Variants in MTMR3 observed in about 807,000 individuals in gnomAD.
MTMR3 encodes phosphatidylinositol-3,5-bisphosphate 3-phosphatase MTMR3.
MTMR3 carries 32 observed loss-of-function variants against 132.4 expected under a neutral mutation model. That is an observed-to-expected ratio of 0.24 (90% confidence interval 0.18 to 0.32). The LOEUF (loss-of-function observed/expected upper bound fraction) is 0.32, where lower values mean the gene tolerates loss of function less well. Ranked by LOEUF, MTMR3 falls within the 10% of genes least tolerant of loss-of-function variation. The pLI, the probability that MTMR3 is intolerant of heterozygous loss-of-function variation, is 1.00. For missense variants in MTMR3, 1,216 were observed against 1,489.6 expected (o/e 0.82, Z 3.02); for synonymous variants, 556 against 550.3 (o/e 1.01, Z -0.14).
chr22:30,025,035 C>T (rs1569057807), intron 19 of MTMR3: 1 of 155,284 alleles, frequency 6.4e-6, no homozygotes, highest in South Asian at 2.0e-4. Flanking sequence ...TTCTTGTCCT[C>T]CCACCTCTCC....
chr22:29,887,590 G>A (rs1462041818), intron 1 of MTMR3, among the ~76,000 whole-genome samples: 2 of 152,132 alleles, frequency 1.3e-5, no homozygotes, highest in East Asian at 1.9e-4. Context: ...TCTGCCAGTC[G>A]GAATAGTCAC....
chr22:29,930,511 G>A (rs2145788851), intron 1 of MTMR3, among the ~76,000 whole-genome samples: 1 of 152,248 alleles, frequency 6.6e-6, no homozygotes, highest in East Asian at 1.9e-4. Flanking sequence ...ACCAGCCTAG[G>A]CAACATGGCG....
intron 1 of MTMR3, among the ~76,000 whole-genome samples, chr22:29,937,404 C>G (rs1411758765): frequency 1.4e-5 from 2 of 143,550 alleles, no homozygotes; most frequent in African/African-American, 2.6e-5. Context: ...TTTTTTCTTT[C>G]AAAAAACTTT....
At chr22:29,936,880 GGCCCCTCAT>G (rs1269227991) in intron 1 of MTMR3, among the ~76,000 whole-genome samples, 2 of 151,974 alleles carry the variant, frequency 1.3e-5, no homozygotes, top group African/African-American at 4.8e-5. Flanking sequence ...TAAAAAATAT[GGCCCCTCAT>G]GCTATCCACT....
intron 1 of MTMR3, among the ~76,000 whole-genome samples, chr22:29,920,981 T>TGGGGG (rs150260217): frequency 1.2e-4 from 10 of 81,068 alleles, no homozygotes; most frequent in South Asian, 5.8e-4. Flanking sequence ...TAGGGGGTGG[T>TGGGGG]GGGGGTGGCG....
chr22:29,909,905 C>G (rs553238715), intron 1 of MTMR3, among the ~76,000 whole-genome samples: 28 of 149,516 alleles, frequency 1.9e-4, no homozygotes, highest in African/African-American at 5.9e-4. Flanking sequence ...CCTGTAATCC[C>G]AGCACTTTGG....
At position 30,027,335 on chromosome 22, in the gene MTMR3, G is replaced by GTC. The variant is rs1189438886; in HGVS notation, c.*1537_*1538dup. 6.5e-6 allele frequency: 1 copy of GTC among 152,876 alleles called. No homozygotes were observed. The highest frequency in any genetic ancestry group is 1.5e-5 in the Non-Finnish European group (1 of 68,142). 9.5% of individuals were successfully genotyped at this position (152,876 alleles called of 1,614,324 possible). ...AGTTCCCTGACCAAGGGCAAGGTGT[G>GTC]TCTCAGGAAGGTGGTTCTGTGCATG... On this transcript the variant is annotated 3_prime_UTR_variant, in exon 20 of 20. Coordinates refer to ENST00000401950, the MANE Select transcript of MTMR3 (RefSeq NM_021090.4).
At chr22:30,007,733 A>C (rs2067303932) in intron 10 of MTMR3, 168 bp from the exon 11 acceptor site, 5 of 750,270 alleles carry the variant, frequency 6.7e-6, no homozygotes, top group Non-Finnish European at 1.0e-5. Context: ...TTTCATAAGA[A>C]GGCCACATAG....
At chr22:29,999,690 T>A (rs530662245) in intron 8 of MTMR3, 1 of 152,352 alleles carries the variant, frequency 6.6e-6, no homozygotes, top group East Asian at 1.9e-4. Flanking sequence ...CCAACTTCAC[T>A]GCTATGATCA....
Position 29,959,347 on chromosome 22 carries a change from T to G in MTMR3, c.-85+2259T>G, listed in dbSNP as rs116301630. Among the ~76,000 whole-genome samples the G allele has an allele frequency of 2.7e-3, 406 of 152,284 alleles. 3 individuals are homozygous for G. The highest frequency in any genetic ancestry group is 9.6e-3 in the African/African-American group (397 of 41,560). On this transcript the variant is annotated intron_variant, in intron 2 of 19. Coordinates refer to ENST00000401950, the MANE Select transcript of MTMR3 (RefSeq NM_021090.4). The stretch of plus-strand genomic sequence containing the variant: ...GTGGGGGAGTGTTGCAGATTAGATC[T>G]GTAGTGAAGGAAATGTAATCCTTTT...
chr22:29,890,006 A>G (rs1359902759), intron 1 of MTMR3, among the ~76,000 whole-genome samples: 2 of 148,686 alleles, frequency 1.3e-5, no homozygotes, highest in Non-Finnish European at 3.0e-5. Flanking sequence ...TCCCGGGTTC[A>G]AGCGATTCTC....
intron 1 of MTMR3, among the ~76,000 whole-genome samples, chr22:29,913,456 TATAC>T: frequency 1.3e-5 from 2 of 152,336 alleles, no homozygotes; most frequent in Middle Eastern, 3.4e-3. Context: ...AGCACATATG[TATAC>T]CTTTGACTCT....
chr22:29,928,452 A>C (rs2065570197), intron 1 of MTMR3, among the ~76,000 whole-genome samples: 1 of 152,102 alleles, frequency 6.6e-6, no homozygotes, highest in African/African-American at 2.4e-5. Context: ...GATTACAGGC[A>C]TGAGCCACTG....
chr22:30,007,478 G>C, intron 10 of MTMR3, 159 bp downstream of exon 10: 1 of 723,066 alleles, frequency 1.4e-6, no homozygotes, highest in East Asian at 2.7e-5. Context: ...GGTCTTGGCA[G>C]AGAATCAGAA....
intron 1 of MTMR3, among the ~76,000 whole-genome samples, chr22:29,955,430 A>G (rs1431774239): frequency 6.6e-6 from 1 of 152,226 alleles, no homozygotes; most frequent in African/African-American, 2.4e-5. Context: ...CAGATTTACA[A>G]ATCCCTCAAC....
Sources: gnomAD v4.1 joint callset for allele counts (sites outside exome capture counted in the v4.1 genomes callset) on GRCh38, gnomAD v4.1.1 for gene constraint, MANE v1.5 for transcripts, NCBI Gene and HGNC (gene_info 2026-07-23, HGNC 2026-07-21) for gene names.